QTGAL: variants seen among roughly 807,000 people sequenced by gnomAD.
The protein encoded by QTGAL is queuosine-tRNA galactosyltransferase.
At chr17:82,970,519 C>G in the QTGAL span, among the ~76,000 whole-genome samples, 1 of 151,600 alleles carries the variant, frequency 6.6e-6, no homozygotes, top group East Asian at 1.9e-4. Flanking sequence ...ACAGGTCCTC[C>G]CCACCCAGCG....
chr17:83,041,483 T>C, the QTGAL span, among the ~76,000 whole-genome samples: 13 of 152,292 alleles, frequency 8.5e-5, no homozygotes, highest in Middle Eastern at 3.4e-3. Context: ...GGACAAAATA[T>C]TGAAAGCGAC....
At chr17:83,023,814 C>T in the QTGAL span, among the ~76,000 whole-genome samples, 1 of 152,216 alleles carries the variant, frequency 6.6e-6, no homozygotes, top group Non-Finnish European at 1.5e-5. Context: ...AAGTGGAAAC[C>T]CAACCTTCAT....
the QTGAL span, among the ~76,000 whole-genome samples, chr17:82,973,300 C>T: frequency 6.6e-6 from 1 of 151,570 alleles, no homozygotes; most frequent in East Asian, 1.9e-4. Flanking sequence ...ACACCTGTGA[C>T]CATCTGTGGG....
chr17:82,964,770 C>T, the QTGAL span, among the ~76,000 whole-genome samples: 16 of 92,208 alleles, frequency 1.7e-4, no homozygotes, highest in African/African-American at 2.6e-4. Context: ...GACGGGGACA[C>T]GGACGCCTGC....
the QTGAL span, among the ~76,000 whole-genome samples, chr17:83,017,397 C>T: frequency 1.3e-5 from 2 of 151,768 alleles, no homozygotes; most frequent in African/African-American, 4.8e-5. Flanking sequence ...CCAAGGCAGG[C>T]GGATAACTTG....
At chr17:83,008,685 G>A in the QTGAL span, among the ~76,000 whole-genome samples, 3,549 of 152,306 alleles carry the variant, frequency 0.023, 151 homozygotes, top group African/African-American at 0.082. Context: ...GGCTCTCCTG[G>A]ACACTTGTTC....
At chr17:82,951,094 A>G in the QTGAL span, among the ~76,000 whole-genome samples, 1 of 152,222 alleles carries the variant, frequency 6.6e-6, no homozygotes, top group Non-Finnish European at 1.5e-5. Flanking sequence ...CAATAATGGA[A>G]CACTAGGCAT....
chr17:82,988,402 C>T, the QTGAL span, among the ~76,000 whole-genome samples: 1 of 152,286 alleles, frequency 6.6e-6, no homozygotes, highest in East Asian at 1.9e-4. Flanking sequence ...ACTACAAAAA[C>T]CCTACAAGAA....
the QTGAL span, among the ~76,000 whole-genome samples, chr17:82,978,232 C>A: frequency 1.3e-5 from 2 of 152,154 alleles, no homozygotes; most frequent in Non-Finnish European, 2.9e-5. This position sits in a 1 kb window ranked among gnomAD's most constrained non-coding sequence, Gnocchi z 4.8. Context: ...CTCCCCCAGG[C>A]TGCGAGTCTG....
At chr17:83,001,474 T>C in the QTGAL span, among the ~76,000 whole-genome samples, 1 of 152,146 alleles carries the variant, frequency 6.6e-6, no homozygotes, top group Non-Finnish European at 1.5e-5. Context: ...AAAACAGAAC[T>C]TTATGAAACA....
chr17:83,046,188 G>A, the QTGAL span, among the ~76,000 whole-genome samples: 1 of 151,074 alleles, frequency 6.6e-6, no homozygotes, highest in Non-Finnish European at 1.5e-5. Flanking sequence ...GAAGTACAGT[G>A]GCACCATCTC....
the QTGAL span, among the ~76,000 whole-genome samples, chr17:83,029,751 C>T: frequency 2.6e-5 from 4 of 152,204 alleles, no homozygotes; most frequent in Non-Finnish European, 4.4e-5. Flanking sequence ...ACCAGATCCT[C>T]GGCTGAGAGG....
the QTGAL span, among the ~76,000 whole-genome samples, chr17:83,034,310 C>T: frequency 5.9e-5 from 9 of 152,210 alleles, no homozygotes; most frequent in Non-Finnish European, 1.0e-4. Flanking sequence ...CCATATTTTC[C>T]GATTTCATCC....
At chr17:83,050,741 G>A in the QTGAL span, among the ~76,000 whole-genome samples, 2 of 152,348 alleles carry the variant, frequency 1.3e-5, no homozygotes, top group South Asian at 2.1e-4. Context: ...GGGGCTTAAG[G>A]GCAGGTTTTT....
chr17:83,046,222 C>T, the QTGAL span, among the ~76,000 whole-genome samples: 6,168 of 152,230 alleles, frequency 0.041, 351 homozygotes, highest in Admixed American at 0.1. Context: ...CTCTGCCTCC[C>T]GGGTTCAAGC....
chr17:83,020,117 G>A, the QTGAL span, among the ~76,000 whole-genome samples: 6 of 152,142 alleles, frequency 3.9e-5, no homozygotes, highest in Non-Finnish European at 2.9e-5. Context: ...ATTTTCTAAA[G>A]AGATAGTGAA....
At chr17:82,970,582 CG>C in the QTGAL span, among the ~76,000 whole-genome samples, 6 of 131,734 alleles carry the variant, frequency 4.6e-5, 1 homozygote, top group African/African-American at 7.2e-5. Context: ...CCGGCGTGGC[CG>C]CGACCTCCGC....
chr17:83,023,256 TTA>T, the QTGAL span, among the ~76,000 whole-genome samples: 1 of 107,684 alleles, frequency 9.3e-6, no homozygotes. Context: ...TCACGTTAGC[TTA>T]GCACTGTCCC....
chr17:83,025,643 CGCGGAGA>C, the QTGAL span, among the ~76,000 whole-genome samples: 2 of 142,688 alleles, frequency 1.4e-5, no homozygotes, highest in East Asian at 2.1e-4. Context: ...ACACGGACAC[CGCGGAGA>C]GTCCACACAC....
Sources: allele counts gnomAD v4.1 joint callset (sites outside exome capture counted in the v4.1 genomes callset), GRCh38; gene constraint gnomAD v4.1.1; non-coding constraint Gnocchi (gnomAD v3.1); transcripts MANE v1.5; gene names NCBI Gene and HGNC (gene_info 2026-07-23, HGNC 2026-07-21).